The following HS3ST3A1 variants were observed in gnomAD, a reference collection of about 807,000 sequenced individuals.
HS3ST3A1 encodes heparan sulfate glucosamine 3-O-sulfotransferase 3A1.
In HS3ST3A1, 19 loss-of-function variants were observed where a neutral mutation model predicts 25.7. The observed-to-expected ratio is 0.74, with a 90% confidence interval of 0.52 to 1.08. HS3ST3A1 has a LOEUF of 1.08. Ranked by LOEUF, HS3ST3A1 falls within the 50% of genes least tolerant of loss-of-function variation. HS3ST3A1 has a pLI of 0.00. For synonymous variants in HS3ST3A1, 226 were observed against 278.6 expected, an observed-to-expected ratio of 0.81 and a Z score of 1.88; for missense variants, 459 against 594.3, an observed-to-expected ratio of 0.77 and a Z score of 2.37.
chr17:13,520,109 A>T (rs1000742906), intron 1 of HS3ST3A1, among the ~76,000 whole-genome samples: 11 of 152,218 alleles, frequency 7.2e-5, no homozygotes, highest in Non-Finnish European at 1.6e-4. Flanking sequence ...TAGAAATTAA[A>T]TTCAGTTGCT....
chr17:13,550,480 C>T (rs371304874), intron 1 of HS3ST3A1, among the ~76,000 whole-genome samples: 2 of 152,078 alleles, frequency 1.3e-5, no homozygotes, highest in African/African-American at 4.8e-5. Flanking sequence ...TGGAGCTGAG[C>T]CCCTGAGCGA....
intron 1 of HS3ST3A1, among the ~76,000 whole-genome samples, chr17:13,524,481 G>C (rs1221048367): frequency 1.3e-5 from 2 of 152,116 alleles, no homozygotes; most frequent in East Asian, 3.9e-4. Context: ...GGAGGACTCT[G>C]GTGAGCTGCC....
intron 1 of HS3ST3A1, among the ~76,000 whole-genome samples, chr17:13,528,768 G>C (rs1336079362): frequency 2.6e-5 from 4 of 152,122 alleles, no homozygotes; most frequent in Non-Finnish European, 5.9e-5. Flanking sequence ...GAAGGAAACT[G>C]CATTTGAGTT....
chr17:13,500,217 A>G (rs1905422866), intron 1 of HS3ST3A1, among the ~76,000 whole-genome samples: 1 of 152,220 alleles, frequency 6.6e-6, no homozygotes, highest in South Asian at 2.1e-4. Flanking sequence ...AAATGTCTAT[A>G]ACTTGGAAAT....
chr17:13,538,375 G>A (rs973123956), intron 1 of HS3ST3A1, among the ~76,000 whole-genome samples: 1 of 152,206 alleles, frequency 6.6e-6, no homozygotes, highest in Non-Finnish European at 1.5e-5. Context: ...CATCAAGGTT[G>A]TCTGTTGCTA....
At chr17:13,501,383 T>A (rs544497632) in intron 1 of HS3ST3A1, among the ~76,000 whole-genome samples, 32 of 152,056 alleles carry the variant, frequency 2.1e-4, no homozygotes, top group South Asian at 6.2e-4. Context: ...ACAATTTTTT[T>A]AAAAAAAAGA....
chr17:13,566,025 C>A (rs1408577544), intron 1 of HS3ST3A1, among the ~76,000 whole-genome samples: 1 of 152,122 alleles, frequency 6.6e-6, no homozygotes, highest in Non-Finnish European at 1.5e-5. Context: ...TATCATTTAT[C>A]TTTTAGTTAT....
chr17:13,572,979 A>C (rs1209487015), intron 1 of HS3ST3A1, among the ~76,000 whole-genome samples: 2 of 152,208 alleles, frequency 1.3e-5, no homozygotes, highest in African/African-American at 4.8e-5. Context: ...TTTTATGTGG[A>C]GTCCTGGAGT....
chr17:13,542,632 T>C (rs1906967857), intron 1 of HS3ST3A1, among the ~76,000 whole-genome samples: 1 of 151,998 alleles, frequency 6.6e-6, no homozygotes, highest in Admixed American at 6.6e-5. Context: ...TTTCGAAATA[T>C]CACAGGCTAC....
chr17:13,597,668 T>C (rs1908614894), intron 1 of HS3ST3A1, among the ~76,000 whole-genome samples: 1 of 152,214 alleles, frequency 6.6e-6, no homozygotes, highest in South Asian at 2.1e-4. Context: ...ACATTTAAAT[T>C]AGTGAGAATA....
intron 1 of HS3ST3A1, among the ~76,000 whole-genome samples, chr17:13,564,805 C>A (rs1466264572): frequency 6.7e-6 from 1 of 148,610 alleles, no homozygotes; most frequent in Admixed American, 6.7e-5. Flanking sequence ...CTCACTGCAA[C>A]TTCCACCTCC....
chr17:13,579,701 CAA>C (rs543748713), intron 1 of HS3ST3A1, among the ~76,000 whole-genome samples: 96 of 23,652 alleles, frequency 4.1e-3, no homozygotes, highest in African/African-American at 0.017. Context: ...ACTCCATCTC[CAA>C]AAAAAAAAAA....
At chr17:13,570,839 G>T (rs115079271) in intron 1 of HS3ST3A1, among the ~76,000 whole-genome samples, 2,510 of 152,218 alleles carry the variant, frequency 0.016, 66 homozygotes, top group African/African-American at 0.055. Context: ...GGAGTTTTAG[G>T]TTCCTACGCA....
intron 1 of HS3ST3A1, among the ~76,000 whole-genome samples, chr17:13,538,607 C>T (rs973725640): frequency 2.0e-5 from 3 of 152,128 alleles, no homozygotes; most frequent in African/African-American, 7.2e-5. Context: ...TTTCTGACCA[C>T]TCCTGAAAGG....
chr17:13,504,639 A>T (rs1905598205), intron 1 of HS3ST3A1, among the ~76,000 whole-genome samples: 1 of 152,220 alleles, frequency 6.6e-6, no homozygotes, highest in South Asian at 2.1e-4. Flanking sequence ...TTGTACTTGA[A>T]TAAAGATTTT....
intron 1 of HS3ST3A1, among the ~76,000 whole-genome samples, chr17:13,538,711 C>T (rs537786458): frequency 6.6e-6 from 1 of 152,062 alleles, no homozygotes; most frequent in African/African-American, 2.4e-5. Context: ...TGAGGAAGTC[C>T]CAGGTGTTTT....
rs148353655 is a variant in HS3ST3A1, at chr17:13,504,315, T to TCAAACAAACAAACAAACAAA, written c.600-7498_600-7497insTTTGTTTGTTTGTTTGTTTG. 5.1e-4 allele frequency among the ~76,000 whole-genome samples: 78 copies of TCAAACAAACAAACAAACAAA among 151,594 alleles called. 1 individual carries two copies. The highest frequency in any genetic ancestry group is 1.2e-3 in the African/African-American group (51 of 41,278). On this transcript the variant is annotated intron_variant, in intron 1 of 1. Transcript: ENST00000284110. Reference sequence around the variant, plus strand: ...CTGGGCGACAGAGCGAGACTCCATCTCAAACAAACAAACAAAAAACCTGTG... The same window carrying TCAAACAAACAAACAAACAAA: ...CTGGGCGACAGAGCGAGACTCCATCTCAAACAAACAAACAAACAAACAAACAAACAAACAAAAAACCTGTG...
chr17:13,497,585 T>C (rs1268077387), intron 1 of HS3ST3A1, among the ~76,000 whole-genome samples: 2 of 152,208 alleles, frequency 1.3e-5, no homozygotes, highest in East Asian at 1.9e-4. Flanking sequence ...AAAAATCCAG[T>C]TGGAGTCTTG....
In HS3ST3A1 at chr17:13,585,186, C is replaced by CTTTTTTTTTTTTTTTTTTTT. The variant is rs71144977; in HGVS notation, c.599+15325_599+15344dup. Among the ~76,000 whole-genome samples, 12 of 33,246 alleles carry CTTTTTTTTTTTTTTTTTTTT rather than the reference C, an allele frequency of 3.6e-4. 3 individuals carry two copies. Among genetic ancestry groups the CTTTTTTTTTTTTTTTTTTTT allele is most frequent in the Admixed American group, 5.4e-4 (1 of 1,848 alleles). The allele number at this position is 33,246 out of a possible 152,430, so 21.8% of individuals were successfully genotyped here. ...CAATCTAAATACTCATTTTTCTGTG[C>CTTTTTTTTTTTTTTTTTTTT]TTTTTTTTTTTTTTTTTTTTTTTTT... On this transcript the variant is annotated intron_variant, in intron 1 of 1. Transcript: ENST00000284110.
Sources: allele counts gnomAD v4.1 joint callset (sites outside exome capture counted in the v4.1 genomes callset), GRCh38; gene constraint gnomAD v4.1.1; transcripts MANE v1.5; gene names NCBI Gene and HGNC (gene_info 2026-07-23, HGNC 2026-07-21).